Variants in BAZ2B observed in about 807,000 individuals in gnomAD.
BAZ2B encodes the protein bromodomain adjacent to zinc finger domain 2B.
BAZ2B carries 91 observed loss-of-function variants against 246.0 expected under a neutral mutation model. That is an observed-to-expected ratio of 0.37 (90% CI 0.31 to 0.44). The LOEUF (loss-of-function observed/expected upper bound fraction) is 0.44, where lower values mean the gene tolerates loss of function less well. BAZ2B is among the 20% of genes least tolerant of loss of function. BAZ2B has a pLI of 1.00. For missense variants in BAZ2B, 2,332 were observed against 2,533.7 expected, an observed-to-expected ratio of 0.92 and a Z score of 1.71; for synonymous variants, 855 against 860.0, an observed-to-expected ratio of 0.99 and a Z score of 0.10.
At chr2:159,708,861 C>T in the BAZ2B span, among the ~76,000 whole-genome samples, 1 of 152,006 alleles carries the variant, frequency 6.6e-6, no homozygotes, top group Non-Finnish European at 1.5e-5. Flanking sequence ...TACATCTGGC[C>T]TCTATATCCT....
At chr2:159,469,011 A>T (rs1383112688) in intron 3 of BAZ2B, among the ~76,000 whole-genome samples, 3 of 148,814 alleles carry the variant, frequency 2.0e-5, no homozygotes, top group African/African-American at 7.4e-5. Context: ...AGATTGAGCC[A>T]TTGCACTCAG....
At chr2:159,486,262 A>C (rs2079821629) in intron 2 of BAZ2B, among the ~76,000 whole-genome samples, 1 of 152,068 alleles carries the variant, frequency 6.6e-6, no homozygotes, top group Non-Finnish European at 1.5e-5. Flanking sequence ...CAAAAGACCT[A>C]AAACTTTGCT....
intron 2 of BAZ2B, among the ~76,000 whole-genome samples, chr2:159,535,759 T>C (rs1190628920): frequency 6.6e-6 from 1 of 152,216 alleles, no homozygotes; most frequent in Non-Finnish European, 1.5e-5. Context: ...CTCTCTTCAT[T>C]ATTAACATTT....
At chr2:159,668,301 G>C in the BAZ2B span, among the ~76,000 whole-genome samples, 2 of 151,980 alleles carry the variant, frequency 1.3e-5, no homozygotes, top group Non-Finnish European at 2.9e-5. Context: ...ACACATTATT[G>C]CTGTTATTCT....
intron 31 of BAZ2B, among the ~76,000 whole-genome samples, chr2:159,343,720 G>A (rs1287439464): frequency 6.6e-6 from 1 of 151,788 alleles, no homozygotes; most frequent in Non-Finnish European, 1.5e-5. Flanking sequence ...CAGTTAGAAT[G>A]GCTATTATCA....
chr2:159,390,682 T>A lies in BAZ2B; in HGVS notation c.3076-1197A>T, dbSNP rs74725723. On this transcript the variant is annotated intron_variant, in intron 20 of 36. Coordinates refer to ENST00000392783, the MANE Select transcript of BAZ2B (RefSeq NM_013450.4). ...GAGAGTAGAGAAAGTACAGTGTGTTTGAAAAATTGCTAGCAGTTTCAAGAC... is the reference window on the plus strand; with the variant it reads ...GAGAGTAGAGAAAGTACAGTGTGTTAGAAAAATTGCTAGCAGTTTCAAGAC... 3.5e-3 allele frequency among the ~76,000 whole-genome samples: 534 copies of A among 152,222 alleles called. 2 individuals are homozygous for A. Among genetic ancestry groups the A allele is most frequent in the African/African-American group, 0.012 (507 of 41,564 alleles).
chr2:159,630,368 A>C, the BAZ2B span, among the ~76,000 whole-genome samples: 222 of 152,282 alleles, frequency 1.5e-3, no homozygotes, highest in Non-Finnish European at 2.6e-3. Context: ...AGTGAAACCC[A>C]AAAAAATAAA....
intron 2 of BAZ2B, among the ~76,000 whole-genome samples, chr2:159,479,422 A>C (rs1392859263): frequency 6.6e-6 from 1 of 152,188 alleles, no homozygotes; most frequent in Non-Finnish European, 1.5e-5. Flanking sequence ...TGGGCATTTT[A>C]TATTCATTTT....
chr2:159,614,820 G>A (rs960288975), intron 1 of BAZ2B, among the ~76,000 whole-genome samples: 1 of 151,982 alleles, frequency 6.6e-6, no homozygotes, highest in Non-Finnish European at 1.5e-5. Flanking sequence ...TATAAAACAG[G>A]AGAAAAATTA....
rs114766811 is a variant in BAZ2B at position 159,471,530 on chromosome 2, C to T, written c.145+7045G>A. On this transcript the variant is annotated intron_variant, in intron 3 of 36. Coordinates refer to ENST00000392783, the MANE Select transcript of BAZ2B (RefSeq NM_013450.4). ...GCCTGAGCCTCAAAGGTTGAGACTG[C>T]AGTGAGCTGTGATCACACCACTGCA... is the stretch of plus-strand genomic sequence containing the variant. Among the ~76,000 whole-genome samples the T allele has an allele frequency of 8.3e-3, 1,262 of 152,214 alleles. 15 individuals are homozygous for T. Among genetic ancestry groups the T allele is most frequent in the African/African-American group, 0.029 (1,190 of 41,528 alleles).
At chr2:159,518,709 T>C (rs768640166) in intron 2 of BAZ2B, among the ~76,000 whole-genome samples, 2 of 151,968 alleles carry the variant, frequency 1.3e-5, no homozygotes, top group Non-Finnish European at 2.9e-5. Flanking sequence ...AAAACTAATA[T>C]GAATAAAAGG....
At chr2:159,402,342 T>A (rs928034875) in intron 16 of BAZ2B, among the ~76,000 whole-genome samples, 2 of 152,070 alleles carry the variant, frequency 1.3e-5, no homozygotes, top group Non-Finnish European at 2.9e-5. Context: ...CCCAGCTACC[T>A]GGGAGGCTGA....
At chr2:159,638,203 C>CA in the BAZ2B span, among the ~76,000 whole-genome samples, 1 of 152,342 alleles carries the variant, frequency 6.6e-6, no homozygotes, top group South Asian at 2.1e-4. Flanking sequence ...CATGAGTCCA[C>CA]AAAAAACACA....
chr2:159,624,438 G>C, the BAZ2B span, among the ~76,000 whole-genome samples: 1 of 152,158 alleles, frequency 6.6e-6, no homozygotes. Flanking sequence ...CCTCATATAG[G>C]AGAGGTCTGG....
chr2:159,682,243 A>C, the BAZ2B span, among the ~76,000 whole-genome samples: 2 of 136,054 alleles, frequency 1.5e-5, no homozygotes, highest in Non-Finnish European at 3.1e-5. Flanking sequence ...CTCAGGCTGG[A>C]CCGCAGAGGC....
At chr2:159,568,023 A>C (rs1450282039) in intron 1 of BAZ2B, among the ~76,000 whole-genome samples, 1 of 152,184 alleles carries the variant, frequency 6.6e-6, no homozygotes, top group Admixed American at 6.6e-5. Context: ...TTTTGAGATA[A>C]AACTCACCAT....
At position 159,599,108 on chromosome 2, in the gene BAZ2B, T is replaced by C. The variant is rs1295803290; in HGVS notation, c.-46+17134A>G. On this transcript the variant is annotated intron_variant, in intron 1 of 36. Coordinates refer to ENST00000392783, the MANE Select transcript of BAZ2B (RefSeq NM_013450.4). ...ACCTGGGCTTGGGGGCACACGCCTG[T>C]AATCCCAGCTACTCAACTTATTGAG... 2.0e-5 allele frequency among the ~76,000 whole-genome samples: 3 copies of C among 152,176 alleles called. No individual in the cohort carries two copies. In the East Asian group the frequency reaches 5.8e-4, roughly 29 times the overall value.
chr2:159,353,984 A>G (rs1202327008), intron 27 of BAZ2B, among the ~76,000 whole-genome samples: 1 of 152,186 alleles, frequency 6.6e-6, no homozygotes, highest in Non-Finnish European at 1.5e-5. Flanking sequence ...CATCCAATCA[A>G]AGTTAGCAGG....
At chr2:159,479,350 T>C (rs1210953323) in intron 2 of BAZ2B, among the ~76,000 whole-genome samples, 1 of 152,224 alleles carries the variant, frequency 6.6e-6, no homozygotes, top group African/African-American at 2.4e-5. Flanking sequence ...GGCTTTATGG[T>C]TGTAGCCTTG....
Sources: gnomAD v4.1 joint callset for allele counts (sites outside exome capture counted in the v4.1 genomes callset) on GRCh38, gnomAD v4.1.1 for gene constraint, MANE v1.5 for transcripts, NCBI Gene and HGNC (gene_info 2026-07-23, HGNC 2026-07-21) for gene names.